Variants in EDIL3 observed in about 807,000 individuals in gnomAD.
EDIL3 encodes the protein EGF like and discoidin domains 3, also known as EGF-like repeat and discoidin I-like domain-containing protein 3.
In EDIL3, 37 loss-of-function variants were observed where a neutral mutation model predicts 67.4. That is an observed-to-expected ratio of 0.55 (90% CI 0.42 to 0.72). The LOEUF (loss-of-function observed/expected upper bound fraction) is 0.72, where lower values mean the gene tolerates loss of function less well. Ranked by LOEUF, EDIL3 falls within the 30% of genes least tolerant of loss-of-function variation. The pLI is 0.00. For synonymous variants in EDIL3, 195 were observed against 196.3 expected, an observed-to-expected ratio of 0.99 and a Z score of 0.05; for missense variants, 527 against 586.3, an observed-to-expected ratio of 0.90 and a Z score of 1.04.
intron 1 of EDIL3, among the ~76,000 whole-genome samples, chr5:84,264,055 G>A (rs1289722706): frequency 1.1e-4 from 16 of 152,124 alleles, no homozygotes; most frequent in Admixed American, 1.0e-3. Context: ...TGCCAACATG[G>A]TGAAACCCTG....
intron 4 of EDIL3, among the ~76,000 whole-genome samples, chr5:84,159,896 T>C (rs1748572953): frequency 6.6e-6 from 1 of 152,120 alleles, no homozygotes; most frequent in Non-Finnish European, 1.5e-5. Flanking sequence ...TTGTTACATA[T>C]AATTACTTTG....
chr5:84,266,758 G>C (rs1277059867), intron 1 of EDIL3, among the ~76,000 whole-genome samples: 1 of 152,102 alleles, frequency 6.6e-6, no homozygotes, highest in Non-Finnish European at 1.5e-5. Flanking sequence ...CACACAAACT[G>C]TTCCTGACAA....
At position 84,133,122 on chromosome 5, in the gene EDIL3, G is replaced by A. The variant is rs531405112; in HGVS notation, c.469+4119C>T. Among the ~76,000 whole-genome samples the A allele has an allele frequency of 3.9e-5, 6 of 152,176 alleles. No homozygotes were observed. The East Asian group carries it at 1.2e-3, about 29-fold the overall frequency. ...TTGTGGGCCACATAGTCCAATAAAT[G>A]AGAACAATCCTAGTTATTTTTAGAT... On this transcript the variant is annotated intron_variant, in intron 5 of 10. Transcript: ENST00000296591.
At chr5:84,063,141 C>A (rs1466096353) in intron 8 of EDIL3, among the ~76,000 whole-genome samples, 1 of 152,070 alleles carries the variant, frequency 6.6e-6, no homozygotes, top group Non-Finnish European at 1.5e-5. Flanking sequence ...AGGGGTGTAA[C>A]CGTGCCATGT....
chr5:84,253,577 T>A (rs1263284185), intron 2 of EDIL3, among the ~76,000 whole-genome samples: 3 of 152,194 alleles, frequency 2.0e-5, no homozygotes, highest in Admixed American at 2.0e-4. Flanking sequence ...GCAAATTTTT[T>A]AGAAAACTTT....
chr5:84,230,064 T>A (rs1744538999), intron 2 of EDIL3, among the ~76,000 whole-genome samples, 180 bp from the exon 3 acceptor site: 1 of 152,188 alleles, frequency 6.6e-6, no homozygotes, highest in African/African-American at 2.4e-5. Flanking sequence ...AAAATTGTCA[T>A]GATTTAATAA....
At chr5:84,331,060 A>G (rs1341775887) in intron 1 of EDIL3, among the ~76,000 whole-genome samples, 2 of 152,178 alleles carry the variant, frequency 1.3e-5, no homozygotes, top group African/African-American at 2.4e-5. Flanking sequence ...CCTAGCCCCT[A>G]TGTTTTGGCC....
At chr5:84,342,431 A>C (rs77781818) in intron 1 of EDIL3, among the ~76,000 whole-genome samples, 3,172 of 152,076 alleles carry the variant, frequency 0.021, 60 homozygotes, top group Non-Finnish European at 0.033. Context: ...GGGGAATGGG[A>C]GGGAGTGAAT....
At chr5:84,316,638 T>TA (rs200843475) in intron 1 of EDIL3, among the ~76,000 whole-genome samples, 2,383 of 152,176 alleles carry the variant, frequency 0.016, 70 homozygotes, top group African/African-American at 0.055. Context: ...CAAAGAGACT[T>TA]AGACTCCCAC....
chr5:84,199,071 AT>A (rs1445872660), intron 3 of EDIL3, among the ~76,000 whole-genome samples: 2 of 152,034 alleles, frequency 1.3e-5, no homozygotes. Flanking sequence ...GATCTTTTAT[AT>A]TTTGAAAACA....
Position 84,064,760 on chromosome 5 carries a change from G to T in EDIL3, c.892C>A (p.Pro298Thr). 1 of 1,613,890 alleles carries T rather than the reference G, an allele frequency of 6.2e-7. No individual in the cohort carries two copies. The highest frequency in any genetic ancestry group is 8.5e-7 in the Non-Finnish European group (1 of 1,179,806). ...PIKAQYVRLY[P>T]QVCRRHCTLR... ...GTGCAATGTCTTCGACAAACTTGGG[G>T]ATAGAGTCTTACATACTGAGCTTTT... is the stretch of plus-strand genomic sequence containing the variant. The change falls in exon 8 of 11, where the codon CCC becomes ACC. Residue 298 changes from proline (P) to threonine (T), a missense_variant. By Grantham distance (38) the Pro-to-Thr change is conservative. This residue lies in a region of EDIL3 where 494 missense variants were observed against 522.5 expected (regional missense o/e 0.95). Coordinates refer to ENST00000296591, the MANE Select transcript of EDIL3 (RefSeq NM_005711.5).
intron 6 of EDIL3, among the ~76,000 whole-genome samples, chr5:84,074,553 C>G (rs1746813177): frequency 1.3e-5 from 2 of 152,138 alleles, no homozygotes; most frequent in Admixed American, 1.3e-4. Flanking sequence ...TGAACAGACA[C>G]TTCTCAAAAG....
At chr5:84,231,147 A>G (rs1319446612) in intron 2 of EDIL3, among the ~76,000 whole-genome samples, 3 of 152,204 alleles carry the variant, frequency 2.0e-5, no homozygotes, top group African/African-American at 4.8e-5. Context: ...TGTAACTCAT[A>G]CAAGTGTGAA....
chr5:84,089,485 A>T (rs562165761), intron 6 of EDIL3, among the ~76,000 whole-genome samples: 1 of 152,304 alleles, frequency 6.6e-6, no homozygotes, highest in Admixed American at 6.5e-5. Context: ...TAGCTGTAAA[A>T]GCCTCCTAGC....
At chr5:84,253,972 T>C in intron 2 of EDIL3, 112 bp downstream of exon 2, 1 of 1,093,722 alleles carries the variant, frequency 9.1e-7, no homozygotes, top group Non-Finnish European at 1.2e-6. Context: ...GTAAACTAAT[T>C]AGCAACATAT....
At chr5:84,137,190 C>T (rs770913449) in intron 5 of EDIL3, 51 bp downstream of exon 5, 25,214 of 933,270 alleles carry the variant, frequency 0.027, 380 homozygotes, top group African/African-American at 0.12. Context: ...TACATACACA[C>T]ACACACACAC....
intron 1 of EDIL3, among the ~76,000 whole-genome samples, chr5:84,376,816 T>C (rs1747976973): frequency 6.6e-6 from 1 of 152,192 alleles, no homozygotes; most frequent in Non-Finnish European, 1.5e-5. Flanking sequence ...TTCTAAGCCC[T>C]AGCTCAGTAG....
chr5:84,378,938 C>T (rs1212049781), intron 1 of EDIL3, among the ~76,000 whole-genome samples: 1 of 152,124 alleles, frequency 6.6e-6, no homozygotes, highest in Admixed American at 6.5e-5. Flanking sequence ...CAAAGGTTTG[C>T]AATCTTTTAA....
chr5:84,106,475 TG>T (rs1747463311), intron 6 of EDIL3, among the ~76,000 whole-genome samples, 173 bp downstream of exon 6: 1 of 152,106 alleles, frequency 6.6e-6, no homozygotes, highest in African/African-American at 2.4e-5. Context: ...TAATGGAATG[TG>T]CATGTTTTTT....
Sources: gnomAD v4.1 joint callset for allele counts (sites outside exome capture counted in the v4.1 genomes callset) on GRCh38, gnomAD v4.1.1 for gene constraint, gnomAD v4.1.1 regional missense constraint, MANE v1.5 for transcripts, NCBI Gene and HGNC (gene_info 2026-07-23, HGNC 2026-07-21) for gene names.